The following LMAN2L variants were observed in gnomAD, a reference collection of about 807,000 sequenced individuals.
LMAN2L encodes the protein lectin, mannose binding 2 like, also known as VIP36-like protein.
A neutral mutation model predicts 44.3 loss-of-function variants in LMAN2L; 30 were observed. The ratio of observed to expected loss-of-function variants is 0.68; its 90% CI spans 0.51 to 0.92. The LOEUF (loss-of-function observed/expected upper bound fraction) is 0.92. LMAN2L is among the 40% of genes least tolerant of loss of function. The probability of loss-of-function intolerance (pLI) is 0.00; values close to 1 mark genes in which losing one functional copy is unlikely to be tolerated. For missense variants in LMAN2L, 429 were observed against 446.1 expected, an observed-to-expected ratio of 0.96 and a Z score of 0.35; for synonymous variants, 183 against 171.1, an observed-to-expected ratio of 1.07 and a Z score of -0.54.
chr2:96,707,782 G>A lies in LMAN2L; in HGVS notation c.836C>T (p.Thr279Ile). ...LKLFELTVER[T>I]PEEEKLHRDV... is the part of the protein sequence containing the mutation. The stretch of plus-strand genomic sequence containing the variant: ...TCGATGGAGCTTTTCCTCTTCTGGG[G>A]TTCTCTCCACTGTCAGTTCAAACAA... The change falls in exon 7 of 8, where the codon ACC becomes ATC. Residue 279 changes from threonine to isoleucine, a missense_variant. Coordinates refer to ENST00000264963, the MANE Select transcript of LMAN2L (RefSeq NM_030805.4). The A allele has an allele frequency of 6.2e-7, 1 of 1,613,882 alleles. No homozygotes were observed. Among genetic ancestry groups the A allele is most frequent in the Non-Finnish European group, 8.5e-7 (1 of 1,179,800 alleles).
chr2:96,724,801 G>A (rs911043792), intron 4 of LMAN2L, among the ~76,000 whole-genome samples: 9 of 151,248 alleles, frequency 6.0e-5, no homozygotes, highest in Admixed American at 3.3e-4. Flanking sequence ...CGCACACTGC[G>A]AAGCTCAGCT....
intron 4 of LMAN2L, among the ~76,000 whole-genome samples, chr2:96,723,499 G>A (rs1330687571): frequency 6.6e-6 from 1 of 152,128 alleles, no homozygotes; most frequent in African/African-American, 2.4e-5. Flanking sequence ...CCTTGATGAT[G>A]TCCTATGAAA....
intron 4 of LMAN2L, among the ~76,000 whole-genome samples, chr2:96,727,455 A>T (rs1386099873): frequency 6.6e-6 from 1 of 152,284 alleles, no homozygotes; most frequent in East Asian, 1.9e-4. Context: ...AACATGGCGG[A>T]ACCCTGTCTC....
At chr2:96,739,404 T>C (rs1217355123) in intron 1 of LMAN2L, among the ~76,000 whole-genome samples, 5 of 152,210 alleles carry the variant, frequency 3.3e-5, no homozygotes, top group African/African-American at 1.2e-4. Flanking sequence ...GCCCCTAGGC[T>C]GGAGAAGAGA....
rs755286935 is a variant in LMAN2L, at chr2:96,707,236, AGTG to A, written c.*17_*19del. The A allele has an allele frequency of 1.9e-6, 3 of 1,612,028 alleles. 1 individual carries two copies. Among genetic ancestry groups the A allele is most frequent in the Non-Finnish European group, 2.5e-6 (3 of 1,178,696 alleles). On this transcript the variant is annotated 3_prime_UTR_variant, in exon 8 of 8. Transcript: ENST00000264963. ...ATACCTCATGGGTGACAGTCACAAA[AGTG>A]GTGGCAGCAGGAGGGCTCAGTAGAA...
chr2:96,727,798 C>T (rs2078300953), intron 4 of LMAN2L, among the ~76,000 whole-genome samples: 1 of 152,206 alleles, frequency 6.6e-6, no homozygotes, highest in Non-Finnish European at 1.5e-5. Context: ...TGCACACATA[C>T]CACGGTCATT....
chr2:96,739,873 C>G lies in LMAN2L; in HGVS notation c.168G>C (p.Ser56=). 2 of 1,613,876 alleles carry G rather than the reference C, an allele frequency of 1.2e-6. No homozygotes were observed. Among genetic ancestry groups the G allele is most frequent in the Non-Finnish European group, 8.5e-7 (1 of 1,180,018 alleles). The change falls in exon 1 of 8, where the codon TCG becomes TCC. Residue 56 remains serine, a synonymous_variant. Coordinates refer to ENST00000264963, the MANE Select transcript of LMAN2L (RefSeq NM_030805.4). ...QTFEYLKREH[S]LSKPYQGVGT... is the part of the protein sequence containing the mutation. ...CCTCACCCTGGTAGGGCTTCGACAG[C>G]GAGTGCTCCCGTTTCAAGTACTCGA...
chr2:96,731,337 T>C (rs1235188398), intron 4 of LMAN2L, among the ~76,000 whole-genome samples: 1 of 152,118 alleles, frequency 6.6e-6, no homozygotes, highest in South Asian at 2.1e-4. Context: ...CTAACTCAGG[T>C]CTCACATTCC....
At chr2:96,728,911 C>G (rs903033777) in intron 4 of LMAN2L, among the ~76,000 whole-genome samples, 3 of 150,520 alleles carry the variant, frequency 2.0e-5, no homozygotes, top group Non-Finnish European at 4.4e-5. Flanking sequence ...AGTGGCTCAC[C>G]CCTGTAATCT....
At chr2:96,734,343 CAA>C (rs775915274) in intron 3 of LMAN2L, 64 bp downstream of exon 3, 105 of 996,764 alleles carry the variant, frequency 1.1e-4, no homozygotes, top group Middle Eastern at 8.9e-4. Flanking sequence ...GGAACCTTTT[CAA>C]AAAGAGGGCA....
intron 4 of LMAN2L, among the ~76,000 whole-genome samples, chr2:96,729,438 A>T (rs1008437482): frequency 2.6e-5 from 4 of 152,204 alleles, no homozygotes; most frequent in African/African-American, 7.2e-5. Context: ...GACGAGGATT[A>T]AGACAATATT....
intron 2 of LMAN2L, among the ~76,000 whole-genome samples, chr2:96,737,494 G>A (rs898334557): frequency 1.3e-5 from 2 of 151,784 alleles, no homozygotes; most frequent in Non-Finnish European, 2.9e-5. Context: ...TACAAAAAAC[G>A]TTTTAAAAAT....
intron 2 of LMAN2L, chr2:96,734,789 A>G (rs778579180): frequency 7.9e-4 from 345 of 438,636 alleles, no homozygotes; most frequent in Non-Finnish European, 1.1e-3. Flanking sequence ...ACAGAACTCC[A>G]AAGTTGGAAA....
intron 4 of LMAN2L, among the ~76,000 whole-genome samples, chr2:96,712,374 A>T (rs2077945594): frequency 6.6e-6 from 1 of 152,184 alleles, no homozygotes; most frequent in Admixed American, 6.5e-5. Flanking sequence ...CTTTTCGTGT[A>T]TATGTACCTA....
At chr2:96,730,991 A>C (rs1228624138) in intron 4 of LMAN2L, among the ~76,000 whole-genome samples, 1 of 151,818 alleles carries the variant, frequency 6.6e-6, no homozygotes, top group East Asian at 1.9e-4. Flanking sequence ...CCCTCTCTTA[A>C]CCTTAGGACC....
chr2:96,738,046 G>A lies in LMAN2L; in HGVS notation c.209C>T (p.Ser70Leu), dbSNP rs1408410619. 1 of 1,613,318 alleles carries A rather than the reference G, an allele frequency of 6.2e-7. No individual in the cohort carries two copies. The highest frequency in any genetic ancestry group is 1.3e-5 in the African/African-American group (1 of 74,886). Residue 70 changes from serine (S) to leucine (L), a missense_variant, in exon 2 of 8, where the codon TCA becomes TTA. Transcript: ENST00000264963. ...GGCATTGCCCATCAGATTCCACAGT[G>A]AGGAACTGCCTGTGCCCACACCTAC... ...PYQGVGTGSS[S>L]LWNLMGNAMV...
intron 4 of LMAN2L, among the ~76,000 whole-genome samples, chr2:96,723,826 C>T (rs768784807): frequency 3.3e-5 from 5 of 152,116 alleles, no homozygotes; most frequent in Non-Finnish European, 7.4e-5. Flanking sequence ...CGGTGGCTCA[C>T]GCCTGTAATC....
intron 1 of LMAN2L, among the ~76,000 whole-genome samples, chr2:96,738,895 C>G (rs914826865): frequency 5.9e-5 from 9 of 152,106 alleles, no homozygotes; most frequent in African/African-American, 2.2e-4. Flanking sequence ...CGCCCGCCAC[C>G]ACACCTGGCT....
chr2:96,722,677 A>G (rs997711989), intron 4 of LMAN2L, among the ~76,000 whole-genome samples: 15 of 152,236 alleles, frequency 9.9e-5, no homozygotes, highest in African/African-American at 3.4e-4. Context: ...TTTAAGTTGT[A>G]TCCATTTCTT....
Sources: allele counts gnomAD v4.1 joint callset (sites outside exome capture counted in the v4.1 genomes callset), GRCh38; gene constraint gnomAD v4.1.1; transcripts MANE v1.5; gene names NCBI Gene and HGNC (gene_info 2026-07-23, HGNC 2026-07-21).